PIBF1: variants seen among roughly 807,000 people sequenced by gnomAD.
The protein encoded by PIBF1 is progesterone-induced-blocking factor 1.
A neutral mutation model predicts 112.5 loss-of-function variants in PIBF1; 90 were observed. The ratio of observed to expected loss-of-function variants is 0.80; its 90% CI spans 0.67 to 0.95. The LOEUF (loss-of-function observed/expected upper bound fraction) is 0.95. PIBF1 is among the 40% of genes least tolerant of loss of function. PIBF1 has a pLI of 0.00. For missense variants in PIBF1, 915 were observed against 852.3 expected, an observed-to-expected ratio of 1.07 and a Z score of -0.92; for synonymous variants, 301 against 288.6, an observed-to-expected ratio of 1.04 and a Z score of -0.44.
At chr13:72,999,049 G>A in intron 17 of PIBF1, 54 bp downstream of exon 17, 3 of 1,174,760 alleles carry the variant, frequency 2.6e-6, no homozygotes, top group Middle Eastern at 2.9e-4. Context: ...CTTACTAAAT[G>A]TATTTTAGTT....
At chr13:72,934,940 T>G (rs776662806) in intron 14 of PIBF1, among the ~76,000 whole-genome samples, 1 of 151,554 alleles carries the variant, frequency 6.6e-6, no homozygotes, top group African/African-American at 2.4e-5. Context: ...TTACTTTCAG[T>G]TACTGTAGGT....
At chr13:72,855,877 T>A (rs78732024) in intron 10 of PIBF1, among the ~76,000 whole-genome samples, 1 of 152,294 alleles carries the variant, frequency 6.6e-6, no homozygotes, top group Non-Finnish European at 1.5e-5. Flanking sequence ...TTTTTAGGGA[T>A]GGCTCTAGAA....
intron 12 of PIBF1, among the ~76,000 whole-genome samples, chr13:72,915,480 G>T (rs971353241): frequency 7.2e-5 from 11 of 152,140 alleles, no homozygotes; most frequent in Non-Finnish European, 1.2e-4. Flanking sequence ...AATCCATTAA[G>T]TATTAAACTC....
chr13:72,806,897 CA>C (rs778506501), intron 5 of PIBF1, among the ~76,000 whole-genome samples: 3 of 151,782 alleles, frequency 2.0e-5, no homozygotes, highest in Non-Finnish European at 4.4e-5. Flanking sequence ...ATTGCTGGGT[CA>C]GATGGTATTT....
intron 16 of PIBF1, among the ~76,000 whole-genome samples, chr13:72,993,732 C>T (rs1446367786): frequency 7.8e-6 from 1 of 128,594 alleles, no homozygotes; most frequent in East Asian, 2.2e-4. Context: ...GGCGACAGAG[C>T]GAGACTCCAT....
At chr13:72,894,805 G>GTA (rs1231404101) in intron 11 of PIBF1, among the ~76,000 whole-genome samples, 4 of 143,596 alleles carry the variant, frequency 2.8e-5, no homozygotes, top group Non-Finnish European at 4.6e-5. Context: ...GTGTGTGTGT[G>GTA]TAGCTATAAA....
At chr13:72,975,054 C>CTTTT (rs568515289) in intron 16 of PIBF1, among the ~76,000 whole-genome samples, 5 of 136,062 alleles carry the variant, frequency 3.7e-5, no homozygotes, top group African/African-American at 1.3e-4. Flanking sequence ...GAAAAAGAAA[C>CTTTT]TTTTTTTTTT....
At chr13:72,834,382 T>G (rs887439899) in intron 8 of PIBF1, among the ~76,000 whole-genome samples, 2 of 152,138 alleles carry the variant, frequency 1.3e-5, no homozygotes, top group African/African-American at 4.8e-5. Flanking sequence ...CCCAGCATTT[T>G]GGGAGGCCAA....
In PIBF1 at chr13:72,991,651, G is replaced by T. The variant is rs371434540; in HGVS notation, c.2050-7171G>T. Among the ~76,000 whole-genome samples the T allele has an allele frequency of 9.2e-5, 14 of 151,962 alleles. No homozygotes were observed. The East Asian group carries it at 2.1e-3, about 23-fold the overall frequency. ...CACCTGTAATCCCAGCACTTTGGGA[G>T]CCTGAGGCAGGTGGATCACTTGAGC... On this transcript the variant is annotated intron_variant, in intron 16 of 17. Coordinates refer to ENST00000326291, the MANE Select transcript of PIBF1 (RefSeq NM_006346.4).
At position 72,908,608 on chromosome 13, in the gene PIBF1, G is replaced by T. The variant is rs763988138; in HGVS notation, c.1566G>T (p.Glu522Asp). 2 of 1,612,796 alleles carry T rather than the reference G, an allele frequency of 1.2e-6. No homozygotes were observed. Among genetic ancestry groups the T allele is most frequent in the Non-Finnish European group, 1.7e-6 (2 of 1,178,938 alleles). Residue 522 changes from glutamate (E) to aspartate (D), a missense_variant, in exon 12 of 18, where the codon GAG becomes GAT. By Grantham distance (45) the Glu-to-Asp change is conservative. Coordinates refer to ENST00000326291, the MANE Select transcript of PIBF1 (RefSeq NM_006346.4). The stretch of plus-strand genomic sequence containing the variant: ...CTGAACTTCAAGCACAGAACTCAGA[G>T]CATCAAGCAAGGCTAGACATTTATG... The part of the protein sequence containing the change: ...RITELQAQNS[E>D]HQARLDIYEK...
intron 11 of PIBF1, among the ~76,000 whole-genome samples, chr13:72,898,941 A>G (rs533537020): frequency 3.3e-5 from 5 of 152,210 alleles, no homozygotes; most frequent in African/African-American, 1.2e-4. Context: ...GAAACAGGAG[A>G]TATTACAACT....
intron 13 of PIBF1, among the ~76,000 whole-genome samples, chr13:72,930,771 AATT>A (rs1354197275): frequency 1.3e-5 from 2 of 152,222 alleles, no homozygotes; most frequent in African/African-American, 2.4e-5. Flanking sequence ...GTGATAAGCT[AATT>A]ATTGTTTGTA....
intron 14 of PIBF1, among the ~76,000 whole-genome samples, chr13:72,943,501 A>T (rs138243622): frequency 1.2e-3 from 177 of 152,334 alleles, no homozygotes; most frequent in African/African-American, 3.9e-3. Flanking sequence ...ATAATTTTTT[A>T]AAAGTTCCCT....
At chr13:72,857,609 T>A (rs1210156783) in intron 10 of PIBF1, among the ~76,000 whole-genome samples, 1 of 152,204 alleles carries the variant, frequency 6.6e-6, no homozygotes, top group Non-Finnish European at 1.5e-5. Flanking sequence ...GAGGCCGAGT[T>A]GGTTGGATCA....
At chr13:72,945,979 C>A (rs764369189) in intron 14 of PIBF1, among the ~76,000 whole-genome samples, 138 of 152,044 alleles carry the variant, frequency 9.1e-4, no homozygotes, top group Non-Finnish European at 1.1e-3. Context: ...GAACATGAAA[C>A]CCCTGAGTTG....
chr13:72,922,685 G>A (rs553952718), intron 13 of PIBF1, among the ~76,000 whole-genome samples: 3 of 152,262 alleles, frequency 2.0e-5, no homozygotes, highest in East Asian at 1.9e-4. Flanking sequence ...AAATAAAGCA[G>A]AGGAAACTAG....
chr13:72,801,202 G>A (rs936691599), intron 5 of PIBF1, among the ~76,000 whole-genome samples: 3 of 152,084 alleles, frequency 2.0e-5, no homozygotes, highest in African/African-American at 7.2e-5. Flanking sequence ...GCAGGATTTT[G>A]GAAAGAGGTC....
chr13:72,949,312 T>A (rs2042235062), intron 14 of PIBF1, among the ~76,000 whole-genome samples: 1 of 123,004 alleles, frequency 8.1e-6, no homozygotes, highest in Non-Finnish European at 1.7e-5. Flanking sequence ...TTTTTTTTTT[T>A]TTTTTTTTTT....
chr13:72,818,901 G>C (rs1301894773), intron 5 of PIBF1, among the ~76,000 whole-genome samples: 1 of 151,632 alleles, frequency 6.6e-6, no homozygotes, highest in African/African-American at 2.4e-5. Flanking sequence ...CTCATTTTTC[G>C]CAGAGATTAC....
Sources: allele counts gnomAD v4.1 joint callset (sites outside exome capture counted in the v4.1 genomes callset), GRCh38; gene constraint gnomAD v4.1.1; transcripts MANE v1.5; gene names NCBI Gene and HGNC (gene_info 2026-07-23, HGNC 2026-07-21).